GIT2: variants seen among roughly 807,000 people sequenced by gnomAD.
GIT2 encodes GIT ArfGAP 2, also known as ARF GTPase-activating protein GIT2.
In GIT2, 32 loss-of-function variants were observed where a neutral mutation model predicts 100.3. The observed-to-expected ratio is 0.32, with a 90% CI of 0.24 to 0.43. GIT2 has a LOEUF of 0.43. Ranked by LOEUF, GIT2 falls within the 20% of genes least tolerant of loss-of-function variation. GIT2 has a pLI of 1.00. For synonymous variants in GIT2, 353 were observed against 364.1 expected (o/e 0.97, Z 0.35); for missense variants, 737 against 975.1 (o/e 0.76, Z 3.25).
chr12:109,942,972 T>A (rs1875218068), intron 16 of GIT2: 1 of 152,218 alleles, frequency 6.6e-6, no homozygotes, highest in Non-Finnish European at 1.5e-5. Flanking sequence ...AGTGCTGCTC[T>A]CTCAAAGCTG....
chr12:109,959,731 C>A (rs1880563299), intron 12 of GIT2, 116 bp downstream of exon 12: 1 of 668,698 alleles, frequency 1.5e-6, no homozygotes, highest in East Asian at 2.7e-5. Flanking sequence ...AAACAAAAAA[C>A]CAAAAACCTA....
chr12:109,969,425 C>A (rs1883307214), intron 7 of GIT2, among the ~76,000 whole-genome samples: 1 of 152,132 alleles, frequency 6.6e-6, no homozygotes, highest in East Asian at 1.9e-4. Context: ...CCTTGGCCTC[C>A]CAAAGTGCTG....
chr12:109,994,318 G>T (rs1483767986), intron 1 of GIT2, among the ~76,000 whole-genome samples: 1 of 152,132 alleles, frequency 6.6e-6, no homozygotes, highest in Non-Finnish European at 1.5e-5. Context: ...TTCATCTGGA[G>T]CCAGGGCTCC....
intron 7 of GIT2, among the ~76,000 whole-genome samples, chr12:109,977,291 A>G (rs1432427026): frequency 6.6e-6 from 1 of 152,144 alleles, no homozygotes. Context: ...TGGGTGGATT[A>G]CTTGAGCTCA....
chr12:109,991,588 T>C, intron 2 of GIT2, 39 bp downstream of exon 2: 1 of 1,559,032 alleles, frequency 6.4e-7, no homozygotes, highest in Non-Finnish European at 8.8e-7. Flanking sequence ...AGCCCTAAAA[T>C]GTAAATTACC....
rs185640698 is a variant in GIT2, at chr12:109,966,941, C to T, written c.764+517G>A. Among the ~76,000 whole-genome samples the T allele has an allele frequency of 9.2e-5, 14 of 152,186 alleles. No homozygotes were observed. The East Asian group carries it at 2.3e-3, about 25-fold the overall frequency. On this transcript the variant is annotated intron_variant, in intron 8 of 19. Transcript: ENST00000355312. The stretch of plus-strand genomic sequence containing the variant: ...AAAAAGAAAAAACAATATTTCATAA[C>T]GTGAAAACTATTTGAAATTCAAATT...
At position 109,940,913 on chromosome 12, in the gene GIT2, A is replaced by G. The variant is rs562080066; in HGVS notation, c.1732-1666T>C. Among the ~76,000 whole-genome samples the G allele has an allele frequency of 3.4e-5, 5 of 147,400 alleles. No individual in the cohort carries two copies. The East Asian group carries it at 5.8e-4, about 17-fold the overall frequency. On this transcript the variant is annotated intron_variant, in intron 16 of 19. Coordinates refer to ENST00000355312, the MANE Select transcript of GIT2 (RefSeq NM_057169.5). Reference sequence around the variant, plus strand: ...AACAAAACAAAACAAAACAAAACCAAAAAGAAAAAAAAAAAAAAACCCCAC... The same window carrying G: ...AACAAAACAAAACAAAACAAAACCAGAAAGAAAAAAAAAAAAAAACCCCAC...
chr12:109,951,099 T>G (rs1877711173), intron 14 of GIT2, 68 bp downstream of exon 14: 1 of 1,345,080 alleles, frequency 7.4e-7, no homozygotes, highest in Non-Finnish European at 1.1e-6. Context: ...CACATCACAG[T>G]GCCTGAGATT....
intron 18 of GIT2, among the ~76,000 whole-genome samples, chr12:109,936,296 G>A (rs943057530): frequency 6.7e-6 from 1 of 150,054 alleles, no homozygotes; most frequent in African/African-American, 2.5e-5. Flanking sequence ...CATTATATGT[G>A]TTGTTGAATG....
Position 109,938,448 on chromosome 12 carries a change from C to T in GIT2, c.1935G>A (p.Arg645=), listed in dbSNP as rs756118877. 35 of 1,614,062 alleles carry T rather than the reference C, an allele frequency of 2.2e-5. No individual in the cohort carries two copies. The South Asian group carries it at 3.8e-4, about 18-fold the overall frequency. ...PTLPSTEDVI[R]KTEQITKNIQ... is the part of the protein sequence containing the mutation. ...TGTTTTTGGTGATCTGTTCAGTCTTCCTGATGACATCTTCGGTGCTAGGGA... is the reference window on the plus strand; with the variant it reads ...TGTTTTTGGTGATCTGTTCAGTCTTTCTGATGACATCTTCGGTGCTAGGGA... The change falls in exon 18 of 20, where the codon AGG becomes AGA. Residue 645 remains arginine (R), a synonymous_variant. Coordinates refer to ENST00000355312, the MANE Select transcript of GIT2 (RefSeq NM_057169.5).
At chr12:109,996,610 GCAAT>G (rs1889476037), upstream of GIT2, among the ~76,000 whole-genome samples, 1 of 152,332 alleles carries the variant, frequency 6.6e-6, no homozygotes, top group South Asian at 2.1e-4. Flanking sequence ...CCTTCCTGAG[GCAAT>G]CAATGGTCAA....
intron 7 of GIT2, among the ~76,000 whole-genome samples, chr12:109,977,239 A>C (rs1464555512): frequency 6.6e-6 from 1 of 152,184 alleles, no homozygotes; most frequent in African/African-American, 2.4e-5. Flanking sequence ...AATAATAATA[A>C]AAAAGGAGCA....
intron 12 of GIT2, among the ~76,000 whole-genome samples, chr12:109,955,385 C>T (rs1289415232): frequency 2.6e-5 from 4 of 152,174 alleles, no homozygotes; most frequent in Admixed American, 2.6e-4. Flanking sequence ...CTCGGCCTCC[C>T]AAAGTGCTGG....
At chr12:109,944,434 C>A (rs1875697259) in intron 16 of GIT2, among the ~76,000 whole-genome samples, 1 of 152,198 alleles carries the variant, frequency 6.6e-6, no homozygotes, top group Non-Finnish European at 1.5e-5. Flanking sequence ...ATGCCCTTTC[C>A]ACGGCTTTCC....
Position 109,933,457 on chromosome 12 carries a change from A to T in GIT2, c.2068-267T>A. On this transcript the variant is annotated intron_variant, in intron 19 of 19. Coordinates refer to ENST00000355312, the MANE Select transcript of GIT2 (RefSeq NM_057169.5). This position sits in a 1 kb window ranked among gnomAD's most constrained non-coding sequence, Gnocchi z 4.5. ...TTTGAAGTAGTTTTTGAAAAATATTAATCCATGTGGGTAAAATATTCCAGA... is the reference window on the plus strand; with the variant it reads ...TTTGAAGTAGTTTTTGAAAAATATTTATCCATGTGGGTAAAATATTCCAGA... The T allele has an allele frequency of 2.7e-6, 1 of 375,930 alleles. No homozygotes were observed. The highest frequency in any genetic ancestry group is 4.8e-6 in the Non-Finnish European group (1 of 208,158). 23.3% of individuals were successfully genotyped at this position (375,930 alleles called of 1,614,324 possible).
chr12:109,958,815 T>C lies in GIT2; in HGVS notation c.1099+1032A>G, dbSNP rs140287091. Among the ~76,000 whole-genome samples the C allele has an allele frequency of 7.9e-5, 12 of 152,224 alleles. No individual in the cohort carries two copies. In the East Asian group the frequency reaches 2.3e-3, roughly 29 times the overall value. On this transcript the variant is annotated intron_variant, in intron 12 of 19. Coordinates refer to ENST00000355312, the MANE Select transcript of GIT2 (RefSeq NM_057169.5). ...AATTTCTATAATTAGAAAAAACCAA[T>C]ATGGATACAGTAATAGGGCTGGAGA...
At position 109,961,715 on chromosome 12, in the gene GIT2, G is replaced by A. The variant is rs772120913; in HGVS notation, c.817-30C>T. Reference sequence around the variant, plus strand: ...AAATAAAAAATATCAGGAACACAAGGGACAATGATTAATGCCAGGAGGACA... The same window carrying A: ...AAATAAAAAATATCAGGAACACAAGAGACAATGATTAATGCCAGGAGGACA... On this transcript the variant is annotated intron_variant, in intron 9 of 19. Transcript: ENST00000355312. 6.2e-6 allele frequency: 8 copies of A among 1,293,060 alleles called. No homozygotes were observed. The African/African-American group carries it at 1.2e-4, about 19-fold the overall frequency. 80.1% of individuals were successfully genotyped at this position (1,293,060 alleles called of 1,614,324 possible). A position where few individuals can be genotyped will look rare whatever the true frequency, so the allele number is the denominator to read the frequency against.
intron 4 of GIT2, among the ~76,000 whole-genome samples, chr12:109,985,383 T>C (rs1214212227): frequency 4.6e-5 from 7 of 152,100 alleles, no homozygotes; most frequent in Non-Finnish European, 8.8e-5. Flanking sequence ...TTTCAAATTC[T>C]GAATTCTTCA....
Position 109,934,536 on chromosome 12 carries a change from A to G in GIT2, c.2004-451T>C, listed in dbSNP as rs527825221. On this transcript the variant is annotated intron_variant, in intron 18 of 19. Transcript: ENST00000355312. This position sits in a 1 kb window ranked among gnomAD's most constrained non-coding sequence, Gnocchi z 4.5. Reference sequence around the variant, plus strand: ...GCTGGAACTTCAGGCATGCACCGCCATGCCTGGCTGATTTTTAAATATTTT... The same window carrying G: ...GCTGGAACTTCAGGCATGCACCGCCGTGCCTGGCTGATTTTTAAATATTTT... Among the ~76,000 whole-genome samples, 21 of 152,352 alleles carry G rather than the reference A, an allele frequency of 1.4e-4. No individual in the cohort carries two copies. In the South Asian group the frequency reaches 4.3e-3, roughly 32 times the overall value.
Sources: gnomAD v4.1 joint callset for allele counts (sites outside exome capture counted in the v4.1 genomes callset) on GRCh38, gnomAD v4.1.1 for gene constraint, Gnocchi (gnomAD v3.1) non-coding constraint, MANE v1.5 for transcripts, NCBI Gene and HGNC (gene_info 2026-07-23, HGNC 2026-07-21) for gene names.